The following ARMC8 variants were observed in gnomAD, a reference collection of about 807,000 sequenced individuals.
ARMC8 encodes the protein armadillo repeat-containing protein 8.
ARMC8 carries 20 observed loss-of-function variants against 99.3 expected under a neutral mutation model. That is an observed-to-expected ratio of 0.20 (90% CI 0.14 to 0.29). ARMC8 has a LOEUF of 0.29. Ranked by LOEUF, ARMC8 falls within the 10% of genes least tolerant of loss-of-function variation. The pLI is 1.00. For synonymous variants in ARMC8, 263 were observed against 278.3 expected, an observed-to-expected ratio of 0.95 and a Z score of 0.55; for missense variants, 569 against 809.5, an observed-to-expected ratio of 0.70 and a Z score of 3.60.
intron 1 of ARMC8, chr3:138,188,637 G>A (rs545303621): frequency 4.9e-6 from 7 of 1,432,534 alleles, no homozygotes; most frequent in Non-Finnish European, 6.9e-6. Context: ...GAGGGTAGTT[G>A]GATTATAAAT....
chr3:138,263,713 T>G, intron 12 of ARMC8, 26 bp from the exon 13 acceptor site: 1 of 1,575,256 alleles, frequency 6.3e-7, no homozygotes, highest in Non-Finnish European at 8.7e-7. Context: ...TGTTGTTATT[T>G]ATGCAGCATT....
chr3:138,286,190 G>T (rs1348465902), intron 19 of ARMC8, among the ~76,000 whole-genome samples: 1 of 152,150 alleles, frequency 6.6e-6, no homozygotes, highest in South Asian at 2.1e-4. Context: ...TGATCCACCT[G>T]TCTCGGCCTC....
chr3:138,263,665 A>T, intron 12 of ARMC8, 74 bp from the exon 13 acceptor site: 1 of 1,242,012 alleles, frequency 8.1e-7, no homozygotes, highest in South Asian at 1.2e-5. Flanking sequence ...GGATGTTAAC[A>T]TACTTGCATT....
At chr3:138,279,565 G>C (rs1321097269) in intron 18 of ARMC8, among the ~76,000 whole-genome samples, 1 of 152,116 alleles carries the variant, frequency 6.6e-6, no homozygotes, top group Non-Finnish European at 1.5e-5. Flanking sequence ...GGGGAATGAG[G>C]TGGAGGTGTT....
chr3:138,225,759 A>G (rs1268380403), intron 5 of ARMC8, among the ~76,000 whole-genome samples: 3 of 152,206 alleles, frequency 2.0e-5, no homozygotes, highest in African/African-American at 4.8e-5. Flanking sequence ...TTGTACACAC[A>G]GGAGTCAGAG....
chr3:138,197,792 C>T (rs977881620), intron 1 of ARMC8, among the ~76,000 whole-genome samples: 1 of 152,102 alleles, frequency 6.6e-6, no homozygotes, highest in African/African-American at 2.4e-5. Context: ...ATTGACCCTC[C>T]GTTTAAGCAT....
intron 1 of ARMC8, among the ~76,000 whole-genome samples, chr3:138,188,753 C>G (rs1202329344): frequency 6.6e-6 from 1 of 152,178 alleles, no homozygotes. Context: ...AGGACATTTG[C>G]TTATGATTCA....
intron 5 of ARMC8, 148 bp downstream of exon 5, chr3:138,223,881 TG>T (rs2045538948): frequency 1.5e-6 from 1 of 669,926 alleles, no homozygotes; most frequent in Non-Finnish European, 2.6e-6. Flanking sequence ...CCCAGTGCTT[TG>T]GGAGGCTGAG....
intron 1 of ARMC8, among the ~76,000 whole-genome samples, chr3:138,205,295 C>T (rs2044310629): frequency 1.3e-5 from 2 of 151,630 alleles, no homozygotes; most frequent in Non-Finnish European, 2.9e-5. Context: ...GTGATCTGCC[C>T]GCCTCAGCCT....
chr3:138,296,570 G>A lies in ARMC8; in HGVS notation c.*678G>A, dbSNP rs1191111048. ...AAAAAAGAAAAAAAAAGAAAAAGTT[G>A]GCTATAGTTGGCCTGATTAACAGGC... On this transcript the variant is annotated 3_prime_UTR_variant, in exon 22 of 22. Transcript: ENST00000469044. The A allele has an allele frequency of 6.6e-6, 1 of 152,008 alleles. No homozygotes were observed. The highest frequency in any genetic ancestry group is 6.6e-5 in the Admixed American group (1 of 15,258). The allele number at this position is 152,008 out of a possible 1,614,324, so 9.4% of individuals were successfully genotyped here. A position where few individuals can be genotyped will look rare whatever the true frequency, so the allele number is the denominator to read the frequency against.
chr3:138,217,000 C>T (rs1391747636), intron 2 of ARMC8, among the ~76,000 whole-genome samples: 2 of 152,132 alleles, frequency 1.3e-5, no homozygotes, highest in East Asian at 3.9e-4. Context: ...ACATTACCTA[C>T]CATTGTGTTA....
intron 1 of ARMC8, among the ~76,000 whole-genome samples, chr3:138,196,606 C>T (rs1418928439): frequency 1.3e-5 from 2 of 152,096 alleles, no homozygotes; most frequent in African/African-American, 2.4e-5. Context: ...CGGTGATTCA[C>T]GCCTGTAATC....
Position 138,296,046 on chromosome 3 carries a change from C to A in ARMC8, c.*154C>A. ...GTTTAGTAGGCTTAGATCTCAAATT[C>A]ATCTTGAGAACATTTTTTTGAGGTA... is the stretch of plus-strand genomic sequence containing the variant. On this transcript the variant is annotated 3_prime_UTR_variant, in exon 22 of 22. Coordinates refer to ENST00000469044, the MANE Select transcript of ARMC8 (RefSeq NM_001363941.2). 3.4e-6 allele frequency: 2 copies of A among 596,580 alleles called. No individual in the cohort carries two copies. Among genetic ancestry groups the A allele is most frequent in the Non-Finnish European group, 2.7e-6 (1 of 366,634 alleles). The allele number at this position is 596,580 out of a possible 1,614,324, so 37.0% of individuals were successfully genotyped here.
At chr3:138,285,204 A>G (rs2050292003) in intron 19 of ARMC8, among the ~76,000 whole-genome samples, 3 of 152,136 alleles carry the variant, frequency 2.0e-5, no homozygotes, top group Middle Eastern at 3.2e-3. Flanking sequence ...CTCATTCTCC[A>G]TGAGAATATA....
Position 138,290,658 on chromosome 3 carries a change from AG to A in ARMC8, c.1988+21del, listed in dbSNP as rs1560058969. The A allele has an allele frequency of 6.5e-7, 1 of 1,550,042 alleles. No homozygotes were observed. The highest frequency in any genetic ancestry group is 8.8e-7 in the Non-Finnish European group (1 of 1,133,402). On this transcript the variant is annotated intron_variant, in intron 21 of 21. Coordinates refer to ENST00000469044, the MANE Select transcript of ARMC8 (RefSeq NM_001363941.2). ...GTGACAAGTGAGTATGAATGTGAAA[AG>A]GCCTTGCTTTGGGCTGTGTTGGATT...
intron 18 of ARMC8, 26 bp downstream of exon 18, chr3:138,274,570 A>G (rs1297389279): frequency 8.5e-6 from 13 of 1,536,566 alleles, no homozygotes; most frequent in Non-Finnish European, 9.9e-6. Flanking sequence ...CTCTTGGGGA[A>G]TATTTTCTGA....
chr3:138,236,958 A>AT (rs2046364511), intron 7 of ARMC8, among the ~76,000 whole-genome samples: 1 of 152,004 alleles, frequency 6.6e-6, no homozygotes, highest in African/African-American at 2.4e-5. Context: ...AAAGTATTCT[A>AT]TTTTTTTATT....
At chr3:138,196,903 T>G (rs1182222912) in intron 1 of ARMC8, among the ~76,000 whole-genome samples, 4 of 152,104 alleles carry the variant, frequency 2.6e-5, no homozygotes, top group Admixed American at 2.6e-4. Flanking sequence ...TAAAATCATT[T>G]TGGAATGGTA....
intron 18 of ARMC8, among the ~76,000 whole-genome samples, chr3:138,277,006 C>T (rs2108323873): frequency 6.6e-6 from 1 of 152,280 alleles, no homozygotes; most frequent in East Asian, 1.9e-4. Context: ...ATTCACAACA[C>T]CTTGTTTCAA....
Sources: allele counts gnomAD v4.1 joint callset (sites outside exome capture counted in the v4.1 genomes callset), GRCh38; gene constraint gnomAD v4.1.1; transcripts MANE v1.5; gene names NCBI Gene and HGNC (gene_info 2026-07-23, HGNC 2026-07-21).